Variants in KCNK2 observed in about 807,000 individuals in gnomAD.
KCNK2 encodes potassium channel subfamily K member 2.
In KCNK2, 21 loss-of-function variants were observed where a neutral mutation model predicts 40.5. That is an observed-to-expected ratio of 0.52 (90% CI 0.37 to 0.75). The LOEUF is 0.75. Ranked by LOEUF, KCNK2 falls within the 30% of genes least tolerant of loss-of-function variation. The pLI is 0.00. For missense variants in KCNK2, 399 were observed against 531.6 expected (o/e 0.75, Z 2.45); for synonymous variants, 191 against 202.2 (o/e 0.94, Z 0.47).
chr1:215,191,442 G>T (rs1664663758), intron 5 of KCNK2, among the ~76,000 whole-genome samples: 1 of 152,022 alleles, frequency 6.6e-6, no homozygotes, highest in African/African-American at 2.4e-5. Flanking sequence ...CTGCTTTGTG[G>T]AGATAATGGT....
chr1:215,046,288 G>A (rs1364061679), intron 1 of KCNK2, among the ~76,000 whole-genome samples: 1 of 151,834 alleles, frequency 6.6e-6, no homozygotes, highest in East Asian at 1.9e-4. Flanking sequence ...TATATATTTG[G>A]GAAAAAATCC....
At chr1:215,040,553 T>A (rs943765847) in intron 1 of KCNK2, among the ~76,000 whole-genome samples, 41 of 152,168 alleles carry the variant, frequency 2.7e-4, no homozygotes, top group Admixed American at 2.6e-3. Context: ...ATCCTGGGGC[T>A]TAATAGAAAC....
intron 1 of KCNK2, among the ~76,000 whole-genome samples, chr1:215,029,033 C>T (rs1404571320): frequency 6.6e-6 from 1 of 151,462 alleles, no homozygotes; most frequent in East Asian, 1.9e-4. Flanking sequence ...AAATTTCCCA[C>T]ATACCCTTTA....
In KCNK2 at chr1:215,217,819, C is replaced by T. The variant is rs536943183; in HGVS notation, c.964-17009C>T. Among the ~76,000 whole-genome samples, 35 of 152,162 alleles carry T rather than the reference C, an allele frequency of 2.3e-4. No individual in the cohort carries two copies. In the South Asian group the frequency reaches 6.4e-3, roughly 28 times the overall value. On this transcript the variant is annotated intron_variant, in intron 6 of 6. Coordinates refer to ENST00000444842, the MANE Select transcript of KCNK2 (RefSeq NM_001017425.3). ...GACTTAGGGTAGTTTAAAGAAAAAG[C>T]GGTAAATTTTATCTGCACAATTCAG...
At chr1:215,158,746 G>C (rs766482750) in intron 3 of KCNK2, among the ~76,000 whole-genome samples, 1 of 152,128 alleles carries the variant, frequency 6.6e-6, no homozygotes, top group African/African-American at 2.4e-5. Flanking sequence ...AAAAGAATTG[G>C]ATGAAATAGG....
intron 1 of KCNK2, among the ~76,000 whole-genome samples, chr1:215,014,999 C>T (rs10779633): frequency 1.2e-4 from 18 of 152,008 alleles, no homozygotes; most frequent in Middle Eastern, 3.4e-3. Context: ...TGTAGAAGTC[C>T]GCTCCTTTCA....
chr1:215,149,929 C>T (rs1662610059), intron 3 of KCNK2, among the ~76,000 whole-genome samples: 1 of 152,172 alleles, frequency 6.6e-6, no homozygotes, highest in African/African-American at 2.4e-5. Flanking sequence ...GAAGCATAGA[C>T]TGTAGGAAGA....
intron 1 of KCNK2, among the ~76,000 whole-genome samples, chr1:215,050,498 C>T (rs576641604): frequency 1.3e-5 from 2 of 151,922 alleles, no homozygotes; most frequent in Non-Finnish European, 2.9e-5. Context: ...TCCTGTACTT[C>T]GTTCATTCAT....
At chr1:215,196,391 C>T (rs571219755) in intron 6 of KCNK2, among the ~76,000 whole-genome samples, 2 of 152,116 alleles carry the variant, frequency 1.3e-5, no homozygotes, top group African/African-American at 4.8e-5. Context: ...CAGGCCAAGT[C>T]ATACAATTTT....
intron 1 of KCNK2, among the ~76,000 whole-genome samples, chr1:215,074,327 A>G (rs1658859360): frequency 6.6e-6 from 1 of 152,222 alleles, no homozygotes; most frequent in African/African-American, 2.4e-5. Flanking sequence ...TAGATTCCAT[A>G]TATATAGGGT....
intron 1 of KCNK2, among the ~76,000 whole-genome samples, chr1:215,035,714 T>G (rs1558064112): frequency 6.6e-6 from 1 of 152,060 alleles, no homozygotes; most frequent in East Asian, 1.9e-4. Flanking sequence ...GTGGGCAAGT[T>G]TTTGTATGAA....
At chr1:215,124,889 A>G in intron 3 of KCNK2, 139 bp downstream of exon 3, 3 of 646,586 alleles carry the variant, frequency 4.6e-6, no homozygotes, top group Non-Finnish European at 5.6e-6. Flanking sequence ...GATTTTGAAA[A>G]GGGGATTTAA....
At position 215,083,200 on chromosome 1, in the gene KCNK2, C is replaced by T; in HGVS notation, c.-186C>T. On this transcript the variant is annotated 5_prime_UTR_variant, in exon 1 of 7. Coordinates refer to ENST00000444842, the MANE Select transcript of KCNK2 (RefSeq NM_001017425.3). ...ATTTCGTTTCTTCTCACGCTCCCCC[C>T]CCCGCCCCCTCCCGCGTCCAGCCCC... is the stretch of plus-strand genomic sequence containing the variant. 4.0e-6 allele frequency: 3 copies of T among 748,224 alleles called. No individual in the cohort carries two copies. Among genetic ancestry groups the T allele is most frequent in the East Asian group, 3.9e-5 (1 of 25,516 alleles). 46.3% of individuals were successfully genotyped at this position (748,224 alleles called of 1,614,324 possible). A position where few individuals can be genotyped will look rare whatever the true frequency, so the allele number is the denominator to read the frequency against.
chr1:215,115,572 A>G lies in KCNK2; in HGVS notation c.358-9061A>G, dbSNP rs541113845. 4.6e-5 allele frequency among the ~76,000 whole-genome samples: 7 copies of G among 152,078 alleles called. No homozygotes were observed. The East Asian group carries it at 1.4e-3, about 29-fold the overall frequency. The stretch of plus-strand genomic sequence containing the variant: ...TGCCTACTCAAATCCTATTTTAAGG[A>G]CAACCTCTTTTAAAGGAACTGCCTA... On this transcript the variant is annotated intron_variant, in intron 2 of 6. Transcript: ENST00000444842.
intron 5 of KCNK2, among the ~76,000 whole-genome samples, chr1:215,176,282 T>G (rs1663966770): frequency 6.6e-6 from 1 of 152,144 alleles, no homozygotes; most frequent in Non-Finnish European, 1.5e-5. Context: ...TGTTAGAAAC[T>G]TGTGTGTCTT....
chr1:215,066,470 T>TAA (rs34137784), intron 1 of KCNK2, among the ~76,000 whole-genome samples: 24 of 151,692 alleles, frequency 1.6e-4, no homozygotes, highest in African/African-American at 4.6e-4. Context: ...ATTAGACTGC[T>TAA]AAAAAAAATT....
At chr1:215,159,303 C>T (rs1416040682) in intron 3 of KCNK2, among the ~76,000 whole-genome samples, 3 of 152,150 alleles carry the variant, frequency 2.0e-5, no homozygotes, top group East Asian at 1.9e-4. Flanking sequence ...AGGCACCCTT[C>T]TGTACTCCAG....
chr1:215,007,182 TGG>T (rs777411918), intron 1 of KCNK2, among the ~76,000 whole-genome samples: 3,718 of 58,486 alleles, frequency 0.064, 162 homozygotes, highest in Middle Eastern at 0.075. Context: ...TGTATGTGTG[TGG>T]GTATATATAT....
chr1:215,071,158 G>A (rs534407720), intron 1 of KCNK2, among the ~76,000 whole-genome samples: 1 of 152,272 alleles, frequency 6.6e-6, no homozygotes, highest in South Asian at 2.1e-4. Flanking sequence ...CCCAATGGGT[G>A]TTTTGACACT....
Sources: allele counts gnomAD v4.1 joint callset (sites outside exome capture counted in the v4.1 genomes callset), GRCh38; gene constraint gnomAD v4.1.1; transcripts MANE v1.5; gene names NCBI Gene and HGNC (gene_info 2026-07-23, HGNC 2026-07-21).